The following RREB1 variants were observed in gnomAD, a reference collection of about 807,000 sequenced individuals.
RREB1 encodes the protein ras-responsive element-binding protein 1.
In RREB1, 27 loss-of-function variants were observed where a neutral mutation model predicts 117.8. The ratio of observed to expected loss-of-function variants is 0.23; its 90% CI spans 0.17 to 0.32. The LOEUF (loss-of-function observed/expected upper bound fraction) is 0.32. Among genes scored for constraint, RREB1 ranks in the 10% least tolerant of loss-of-function variants. The pLI is 1.00. For missense variants in RREB1, 2,577 were observed against 2,378.2 expected (o/e 1.08, Z -1.74); for synonymous variants, 1,298 against 1,026.7 (o/e 1.26, Z -5.05).
rs372380287 is a variant in RREB1 at position 7,246,574 on chromosome 6, C to G, written c.4124C>G (p.Ser1375Trp). ...GAGCAGGCCACGGCGGAAACGGCCTCGCCGGTGCACCGGGAAGAGCACGGG... is the reference window on the plus strand; with the variant it reads ...GAGCAGGCCACGGCGGAAACGGCCTGGCCGGTGCACCGGGAAGAGCACGGG... ...PVEQATAETA[S>W]PVHREEHGRG... The change falls in exon 12 of 13, where the codon TCG becomes TGG. Residue 1375 changes from serine (S) to tryptophan (W), a missense_variant. Physicochemically the swap from Ser to Trp is radical, Grantham distance 177. Transcript: ENST00000379938. The G allele has an allele frequency of 1.6e-4, 247 of 1,550,358 alleles. 4 individuals are homozygous for G. The South Asian group carries it at 2.8e-3, about 17-fold the overall frequency.
chr6:7,189,996 T>G (rs762148832), intron 6 of RREB1, among the ~76,000 whole-genome samples: 4 of 152,234 alleles, frequency 2.6e-5, no homozygotes, highest in Non-Finnish European at 4.4e-5. Context: ...TATTCTGCTT[T>G]CTTTTAAAAA....
At chr6:7,241,780 A>G (rs1725464963) in intron 11 of RREB1, among the ~76,000 whole-genome samples, 1 of 152,200 alleles carries the variant, frequency 6.6e-6, no homozygotes, top group South Asian at 2.1e-4. Context: ...CCGCCAGTCT[A>G]GATCAGATCC....
chr6:7,144,014 G>A (rs1265757485), intron 1 of RREB1, among the ~76,000 whole-genome samples: 1 of 151,662 alleles, frequency 6.6e-6, no homozygotes, highest in Non-Finnish European at 1.5e-5. Flanking sequence ...CTGAATAAGT[G>A]CAAGTATTTT....
In RREB1 at chr6:7,249,042, GC is replaced by G; in HGVS notation, c.*77del. 1 of 1,158,760 alleles carries G rather than the reference GC, an allele frequency of 8.6e-7. No individual in the cohort carries two copies. 71.8% of individuals were successfully genotyped at this position (1,158,760 alleles called of 1,614,324 possible). The stretch of plus-strand genomic sequence containing the variant: ...CTATACTTCATGGGGTTTCCTCAGT[GC>G]CCTTTGGCTGTTGAGGAGTGAGAGA... On this transcript the variant is annotated 3_prime_UTR_variant, in exon 13 of 13. Coordinates refer to ENST00000379938, the MANE Select transcript of RREB1 (RefSeq NM_001003699.4).
chr6:7,210,887 C>G lies in RREB1; in HGVS notation c.509C>G (p.Ser170Cys). 6.2e-7 allele frequency: 1 copy of G among 1,614,182 alleles called. No homozygotes were observed. The highest frequency in any genetic ancestry group is 8.5e-7 in the Non-Finnish European group (1 of 1,180,004). Residue 170 changes from serine to cysteine, a missense_variant, in exon 7 of 13, where the codon TCC becomes TGC. Physicochemically the swap from Ser to Cys is moderately radical, Grantham distance 112. Coordinates refer to ENST00000379938, the MANE Select transcript of RREB1 (RefSeq NM_001003699.4). ...PSPLKRRRLS[S>C]KRKLSHDAES... Reference sequence around the variant, plus strand: ...CCTCTGAAACGTAGGCGATTGTCCTCCAAGAGGAAACTGAGTCACGATGCC... The same window carrying G: ...CCTCTGAAACGTAGGCGATTGTCCTGCAAGAGGAAACTGAGTCACGATGCC...
intron 1 of RREB1, among the ~76,000 whole-genome samples, chr6:7,155,367 C>T (rs1763314338): frequency 2.0e-5 from 3 of 152,216 alleles, no homozygotes; most frequent in Admixed American, 2.0e-4. Context: ...AGTGCAGTGG[C>T]ACGATCTTGG....
intron 10 of RREB1, among the ~76,000 whole-genome samples, chr6:7,239,631 A>G (rs1164527888): frequency 6.6e-6 from 1 of 151,996 alleles, no homozygotes; most frequent in Non-Finnish European, 1.5e-5. Context: ...GGATGGGTCT[A>G]GGGGCGAGGC....
chr6:7,156,332 A>C (rs1279294822), intron 1 of RREB1, among the ~76,000 whole-genome samples: 1 of 152,248 alleles, frequency 6.6e-6, no homozygotes, highest in Non-Finnish European at 1.5e-5. Flanking sequence ...ATCTCGAGTC[A>C]AATCTAAACA....
Position 7,231,215 on chromosome 6 carries a change from C to T in RREB1, c.3116C>T (p.Thr1039Ile). ...GGCAGCTCAGCCCTCCTGAGTGGCA[C>T]AGCCTTGCTGCGTCCACTGCGGCCC... ...LVGSSALLSG[T>I]ALLRPLRPKP... The change falls in exon 10 of 13, where the codon ACA (threonine) becomes ATA (isoleucine). Residue 1039 changes from threonine to isoleucine, a missense_variant. By Grantham distance (89) the Thr-to-Ile change is moderately conservative. Transcript: ENST00000379938. The T allele has an allele frequency of 6.2e-7, 1 of 1,612,296 alleles. No individual in the cohort carries two copies. The highest frequency in any genetic ancestry group is 8.5e-7 in the Non-Finnish European group (1 of 1,179,658).
At chr6:7,108,296 T>A (rs1760931409) in intron 1 of RREB1, among the ~76,000 whole-genome samples, 2 of 150,732 alleles carry the variant, frequency 1.3e-5, no homozygotes, top group African/African-American at 2.4e-5. Flanking sequence ...CCCTCTCCCC[T>A]CGGGCTGCGC....
chr6:7,160,571 G>T (rs956990531), intron 1 of RREB1, among the ~76,000 whole-genome samples: 1 of 152,118 alleles, frequency 6.6e-6, no homozygotes, highest in East Asian at 1.9e-4. Context: ...ATGCAGTGGT[G>T]TGATCACCGC....
At chr6:7,132,117 C>T (rs1561734650) in intron 1 of RREB1, among the ~76,000 whole-genome samples, 1 of 152,062 alleles carries the variant, frequency 6.6e-6, no homozygotes, top group African/African-American at 2.4e-5. Flanking sequence ...TACAATGGTG[C>T]AATCTCGGCT....
chr6:7,240,778 A>ATAAC (rs930650674), intron 11 of RREB1, among the ~76,000 whole-genome samples, 176 bp downstream of exon 11: 2 of 152,206 alleles, frequency 1.3e-5, no homozygotes, highest in Non-Finnish European at 2.9e-5. Context: ...GGGAGGGAGT[A>ATAAC]TAACTCCTGG....
chr6:7,230,569 T>C lies in RREB1; in HGVS notation c.2470T>C (p.Tyr824His). Residue 824 changes from tyrosine to histidine, a missense_variant, in exon 10 of 13, where the codon TAC becomes CAC. Transcript: ENST00000379938. ...CGTGCCCGAGCAGGACATCGAGAGC[T>C]ACGTGCTGGCCGCCGACGGCCTGGG... ...LHVPEQDIES[Y>H]VLAADGLGPA... 2 of 1,602,264 alleles carry C rather than the reference T, an allele frequency of 1.2e-6. No individual in the cohort carries two copies. The highest frequency in any genetic ancestry group is 8.5e-7 in the Non-Finnish European group (1 of 1,176,342).
chr6:7,142,307 C>T (rs938116541), intron 1 of RREB1, among the ~76,000 whole-genome samples: 1 of 152,244 alleles, frequency 6.6e-6, no homozygotes, highest in Non-Finnish European at 1.5e-5. Context: ...GCTTTTACAC[C>T]CTCCTCCGAG....
chr6:7,250,632 C>T lies in RREB1; in HGVS notation c.*1664C>T, dbSNP rs1769367625. ...GGGAGGCACCCCTGTACCCCAGCTT[C>T]CTTCCCCTGGCCTTTTCTGGCCCCA... On this transcript the variant is annotated 3_prime_UTR_variant, in exon 13 of 13. Transcript: ENST00000379938. 1 of 152,098 alleles carries T rather than the reference C, an allele frequency of 6.6e-6. No individual in the cohort carries two copies. The highest frequency in any genetic ancestry group is 1.9e-4 in the East Asian group (1 of 5,144). The allele number at this position is 152,098 out of a possible 1,614,324, so 9.4% of individuals were successfully genotyped here.
At chr6:7,125,094 A>G (rs987946824) in intron 1 of RREB1, among the ~76,000 whole-genome samples, 4 of 152,252 alleles carry the variant, frequency 2.6e-5, no homozygotes, top group African/African-American at 7.2e-5. Flanking sequence ...ATTTGACAAC[A>G]TAAGCTAGAT....
intron 1 of RREB1, among the ~76,000 whole-genome samples, chr6:7,169,796 A>G (rs1428989563): frequency 6.6e-6 from 1 of 152,164 alleles, no homozygotes; most frequent in Non-Finnish European, 1.5e-5. Flanking sequence ...AGGTGCAGGA[A>G]GAAGAATGGG....
At chr6:7,216,388 T>C (rs889668964) in intron 8 of RREB1, 1 of 152,192 alleles carries the variant, frequency 6.6e-6, no homozygotes, top group African/African-American at 2.4e-5. Flanking sequence ...TGGTACTTCA[T>C]TGACCCTGGT....
Sources: gnomAD v4.1 joint callset for allele counts (sites outside exome capture counted in the v4.1 genomes callset) on GRCh38, gnomAD v4.1.1 for gene constraint, MANE v1.5 for transcripts, NCBI Gene and HGNC (gene_info 2026-07-23, HGNC 2026-07-21) for gene names.